The following TBC1D9B variants were observed in gnomAD, a reference collection of about 807,000 sequenced individuals.
TBC1D9B encodes the protein TBC1 domain family member 9B, also known as TBC1 domain family, member 9B (with GRAM domain).
In TBC1D9B, 87 loss-of-function variants were observed where a neutral mutation model predicts 121.1. That is an observed-to-expected ratio of 0.72 (90% CI 0.60 to 0.86). The LOEUF is 0.86. Ranked by LOEUF, TBC1D9B falls within the 40% of genes least tolerant of loss-of-function variation. The probability of loss-of-function intolerance (pLI) is 0.00; values close to 1 mark genes in which losing one functional copy is unlikely to be tolerated. For synonymous variants in TBC1D9B, 668 were observed against 670.1 expected, an observed-to-expected ratio of 1.00 and a Z score of 0.05; for missense variants, 1,540 against 1,628.6, an observed-to-expected ratio of 0.95 and a Z score of 0.94.
At position 179,902,221 on chromosome 5, in the gene TBC1D9B, AG is replaced by A. The variant is rs1761184883; in HGVS notation, c.229+2480del. On this transcript the variant is annotated intron_variant, in intron 2 of 20. Coordinates refer to ENST00000355235, the MANE Select transcript of TBC1D9B (RefSeq NM_015043.4). This position sits in a 1 kb window ranked among gnomAD's most constrained non-coding sequence, Gnocchi z 4.9. ...TCTGTGGAGTCTGGGCAGTTCTCAG[AG>A]GAGCGGGAGGGAAGGTTAGCTGGCA... Among the ~76,000 whole-genome samples the A allele has an allele frequency of 1.3e-5, 2 of 152,360 alleles. No individual in the cohort carries two copies. The highest frequency in any genetic ancestry group is 4.8e-5 in the African/African-American group (2 of 41,592).
chr5:179,886,765 G>C (rs1021245386), intron 7 of TBC1D9B, among the ~76,000 whole-genome samples: 14 of 152,202 alleles, frequency 9.2e-5, no homozygotes, highest in Non-Finnish European at 1.9e-4. Flanking sequence ...CTGGATCTGT[G>C]AATTTGCATA....
rs1246054309 is a variant in TBC1D9B, at chr5:179,900,356, A to AC, written c.230-1050dup. ...GATCTCTGCCTGGCCTGGCTCCCCTACCCCCAGCACCTGTTTCTGGGGTTT... is the reference window on the plus strand; with the variant it reads ...GATCTCTGCCTGGCCTGGCTCCCCTACCCCCCAGCACCTGTTTCTGGGGTTT... On this transcript the variant is annotated intron_variant, in intron 2 of 20. Coordinates refer to ENST00000355235, the MANE Select transcript of TBC1D9B (RefSeq NM_015043.4). Among the ~76,000 whole-genome samples the AC allele has an allele frequency of 2.0e-5, 3 of 152,100 alleles. No homozygotes were observed. In the East Asian group the frequency reaches 5.8e-4, roughly 29 times the overall value.
At chr5:179,901,571 G>A (rs998048235) in intron 2 of TBC1D9B, among the ~76,000 whole-genome samples, 1 of 152,128 alleles carries the variant, frequency 6.6e-6, no homozygotes, top group Non-Finnish European at 1.5e-5. Flanking sequence ...AATCGCTTGA[G>A]CCCAGGAGTT....
At chr5:179,886,765 G>A (rs1021245386) in intron 7 of TBC1D9B, among the ~76,000 whole-genome samples, 1 of 152,202 alleles carries the variant, frequency 6.6e-6, no homozygotes, top group Non-Finnish European at 1.5e-5. Context: ...CTGGATCTGT[G>A]AATTTGCATA....
At chr5:179,898,452 C>CT (rs573849305) in intron 3 of TBC1D9B, among the ~76,000 whole-genome samples, 116 of 146,390 alleles carry the variant, frequency 7.9e-4, no homozygotes, top group African/African-American at 1.1e-3. Context: ...CGCACCTGGC[C>CT]TTTTTTTTTT....
intron 17 of TBC1D9B, chr5:179,869,309 G>A (rs776931804): frequency 2.7e-4 from 93 of 339,576 alleles, no homozygotes; most frequent in Non-Finnish European, 4.2e-4. Context: ...ACAGCCTGTC[G>A]CCAGTGCAGC....
At position 179,864,022 on chromosome 5, in the gene TBC1D9B, C is replaced by T. The variant is rs948105857; in HGVS notation, c.3128G>A (p.Arg1043His). 2.7e-5 allele frequency: 44 copies of T among 1,613,604 alleles called. No homozygotes were observed. Among genetic ancestry groups the T allele is most frequent in the African/African-American group, 6.7e-5 (5 of 74,934 alleles). Reference protein sequence around the residue: ...AIATVASLLLRIGEVGKKFSA... With the variant: ...AIATVASLLLHIGEVGKKFSA... ...GAACTTCTTCCCCACCTCTCCGATG[C>T]GGAGCAGGAGGCTGGCCACGGTGGC... Residue 1043 changes from arginine to histidine, a missense_variant, in exon 21 of 21, where the codon CGC (arginine) becomes CAC (histidine). By Grantham distance (29) the Arg-to-His change is conservative. Coordinates refer to ENST00000355235, the MANE Select transcript of TBC1D9B (RefSeq NM_015043.4).
intron 7 of TBC1D9B, among the ~76,000 whole-genome samples, chr5:179,886,790 G>A (rs1426931269): frequency 1.3e-5 from 2 of 152,128 alleles, no homozygotes; most frequent in Non-Finnish European, 2.9e-5. Flanking sequence ...CTCTTCTAAT[G>A]GCCAAATGTT....
chr5:179,890,044 G>A lies in TBC1D9B; in HGVS notation c.1044+1335C>T, dbSNP rs190318730. 1.9e-4 allele frequency among the ~76,000 whole-genome samples: 29 copies of A among 152,178 alleles called. No homozygotes were observed. The highest frequency in any genetic ancestry group is 5.8e-4 in the African/African-American group (24 of 41,538). Reference sequence around the variant, plus strand: ...GGAGGGAGAGGTCGGAATCTAGGCCGATACGTGGCTTTTACCTGGGCAAAG... The same window carrying A: ...GGAGGGAGAGGTCGGAATCTAGGCCAATACGTGGCTTTTACCTGGGCAAAG... On this transcript the variant is annotated intron_variant, in intron 6 of 20. Coordinates refer to ENST00000355235, the MANE Select transcript of TBC1D9B (RefSeq NM_015043.4). The surrounding 1 kb of genome is among the most constrained non-coding windows in gnomAD (Gnocchi z 5.0).
rs1425550426 is a variant in TBC1D9B at position 179,891,309 on chromosome 5, G to A, written c.1044+70C>T. The stretch of plus-strand genomic sequence containing the variant: ...CAGTGAGACAGGGCAGAGCAGGACA[G>A]GCTGGTCCCTGAGCCCACTGACACC... On this transcript the variant is annotated intron_variant, in intron 6 of 20. Transcript: ENST00000355235. The surrounding 1 kb of genome is among the most constrained non-coding windows in gnomAD (Gnocchi z 4.3). 8 of 1,571,176 alleles carry A rather than the reference G, an allele frequency of 5.1e-6. No homozygotes were observed. Among genetic ancestry groups the A allele is most frequent in the East Asian group, 2.2e-5 (1 of 44,586 alleles).
In TBC1D9B at chr5:179,879,900, G is replaced by GC. The variant is rs1760486420; in HGVS notation, c.1255-112_1255-111insG. ...GGGGCCCGGTGCAAGAAGGGCCATG[G>GC]GGGCAAACGGTGCACGGAGAAGAGC... On this transcript the variant is annotated intron_variant, in intron 7 of 20. Coordinates refer to ENST00000355235, the MANE Select transcript of TBC1D9B (RefSeq NM_015043.4). 1.8e-5 allele frequency: 23 copies of GC among 1,288,916 alleles called. No homozygotes were observed. In the African/African-American group the frequency reaches 1.8e-4, roughly 10 times the overall value. 79.8% of individuals were successfully genotyped at this position (1,288,916 alleles called of 1,614,324 possible). A position where few individuals can be genotyped will look rare whatever the true frequency, so the allele number is the denominator to read the frequency against.
Position 179,867,900 on chromosome 5 carries a change from T to TC in TBC1D9B, c.2792-52dup. 3 of 1,485,122 alleles carry TC rather than the reference T, an allele frequency of 2.0e-6. No individual in the cohort carries two copies. In the South Asian group the frequency reaches 4.3e-5, roughly 21 times the overall value. 92.0% of individuals were successfully genotyped at this position (1,485,122 alleles called of 1,614,324 possible). Reference sequence around the variant, plus strand: ...AGGGCAGGAGGAAACAAGGAGATCCTCTCAGAGTAAGTTCCCTCCAGCCCT... The same window carrying TC: ...AGGGCAGGAGGAAACAAGGAGATCCTCCTCAGAGTAAGTTCCCTCCAGCCCT... On this transcript the variant is annotated intron_variant, in intron 17 of 20. Transcript: ENST00000355235.
chr5:179,867,487 G>C (rs765026865), intron 18 of TBC1D9B: 4 of 1,560,514 alleles, frequency 2.6e-6, no homozygotes, highest in African/African-American at 1.4e-5. Context: ...TCTGAGGCCA[G>C]AGGAGATGCT....
rs370645902 is a variant in TBC1D9B, at chr5:179,899,183, C to T, written c.348+6G>A. Reference sequence around the variant, plus strand: ...GTGAGAACAGAGAGTGGCGGGTAAACCTTACGTGTATCTTGCCCTTGACGA... The same window carrying T: ...GTGAGAACAGAGAGTGGCGGGTAAATCTTACGTGTATCTTGCCCTTGACGA... On this transcript the variant is annotated splice_donor_region_variant and intron_variant, in intron 3 of 20. Coordinates refer to ENST00000355235, the MANE Select transcript of TBC1D9B (RefSeq NM_015043.4). 6.4e-7 allele frequency: 1 copy of T among 1,571,868 alleles called. No homozygotes were observed. The highest frequency in any genetic ancestry group is 8.6e-7 in the Non-Finnish European group (1 of 1,160,216).
intron 7 of TBC1D9B, among the ~76,000 whole-genome samples, chr5:179,882,040 G>A (rs971022893): frequency 1.3e-5 from 2 of 150,198 alleles, no homozygotes; most frequent in African/African-American, 4.9e-5. Context: ...TGCCTCCTGG[G>A]CTCAGGCAAT....
chr5:179,896,993 G>A (rs1332427949), intron 3 of TBC1D9B, among the ~76,000 whole-genome samples: 2 of 152,022 alleles, frequency 1.3e-5, no homozygotes, highest in Non-Finnish European at 1.5e-5. Flanking sequence ...TGCAACCTCC[G>A]CCTCCCAGGT....
intron 1 of TBC1D9B, among the ~76,000 whole-genome samples, chr5:179,906,167 C>T (rs1761307602): frequency 6.6e-6 from 1 of 152,248 alleles, no homozygotes; most frequent in South Asian, 2.1e-4. Flanking sequence ...AACCACATCC[C>T]TGTCTGCTCC....
Position 179,907,749 on chromosome 5 carries a change from C to T in TBC1D9B, c.73G>A (p.Val25Met). 8.3e-7 allele frequency: 1 copy of T among 1,206,112 alleles called. No individual in the cohort carries two copies. The highest frequency in any genetic ancestry group is 1.5e-5 in the South Asian group (1 of 67,182). The allele number at this position is 1,206,112 out of a possible 1,614,324, so 74.7% of individuals were successfully genotyped here. The change falls in exon 1 of 21, where the codon GTG (valine) becomes ATG (methionine). Residue 25 changes from valine to methionine, a missense_variant. Coordinates refer to ENST00000355235, the MANE Select transcript of TBC1D9B (RefSeq NM_015043.4). The surrounding 1 kb of genome is among the most constrained non-coding windows in gnomAD (Gnocchi z 5.3). ...WVTERANPFFVLQRRRGHGRG... is the reference protein window; with the variant it reads ...WVTERANPFFMLQRRRGHGRG... ...CCGTGGCCCCGGCGTCGCTGCAGCA[C>T]GAAGAAGGGGTTGGCCCGCTCCGTC...
chr5:179,904,318 G>A lies in TBC1D9B; in HGVS notation c.229+384C>T, dbSNP rs1165725630. Among the ~76,000 whole-genome samples the A allele has an allele frequency of 6.8e-6, 1 of 146,760 alleles. No individual in the cohort carries two copies. The highest frequency in any genetic ancestry group is 7.0e-5 in the Admixed American group (1 of 14,272). On this transcript the variant is annotated intron_variant, in intron 2 of 20. Coordinates refer to ENST00000355235, the MANE Select transcript of TBC1D9B (RefSeq NM_015043.4). This position sits in a 1 kb window ranked among gnomAD's most constrained non-coding sequence, Gnocchi z 4.2. Reference sequence around the variant, plus strand: ...CGGCTCACTGCAAGCTCCGCCTCCCGGGTTCACGCCATTCTCCTGCCTCAG... The same window carrying A: ...CGGCTCACTGCAAGCTCCGCCTCCCAGGTTCACGCCATTCTCCTGCCTCAG...
Sources: allele counts gnomAD v4.1 joint callset (sites outside exome capture counted in the v4.1 genomes callset), GRCh38; gene constraint gnomAD v4.1.1; non-coding constraint Gnocchi (gnomAD v3.1); transcripts MANE v1.5; gene names NCBI Gene and HGNC (gene_info 2026-07-23, HGNC 2026-07-21).